GSK3B: variants seen among roughly 807,000 people sequenced by gnomAD.
The protein encoded by GSK3B is glycogen synthase kinase-3 beta.
GSK3B carries 15 observed loss-of-function variants against 56.4 expected under a neutral mutation model. The ratio of observed to expected loss-of-function variants is 0.27; its 90% CI spans 0.18 to 0.41. GSK3B has a LOEUF of 0.41. Ranked by LOEUF, GSK3B falls within the 10% of genes least tolerant of loss-of-function variation. GSK3B has a pLI of 1.00. For missense variants in GSK3B, 300 were observed against 513.4 expected (o/e 0.58, Z 4.02); for synonymous variants, 181 against 188.9 (o/e 0.96, Z 0.34).
intron 2 of GSK3B, among the ~76,000 whole-genome samples, chr3:119,985,092 CAT>C (rs766572807): frequency 3.4e-4 from 52 of 152,176 alleles, no homozygotes; most frequent in Non-Finnish European, 6.9e-4. Context: ...ACAAAAACCA[CAT>C]GATTATCTCA....
chr3:119,916,331 T>C (rs1054940238), intron 4 of GSK3B, among the ~76,000 whole-genome samples, 157 bp from the exon 5 acceptor site: 1 of 152,226 alleles, frequency 6.6e-6, no homozygotes, highest in African/African-American at 2.4e-5. Flanking sequence ...GTGTCACTTC[T>C]GTATTAATTA....
intron 1 of GSK3B, among the ~76,000 whole-genome samples, chr3:120,061,292 G>A (rs1441417156): frequency 6.6e-6 from 1 of 152,076 alleles, no homozygotes; most frequent in South Asian, 2.1e-4. Context: ...AGAAAAATTC[G>A]AAAATAAAGA....
chr3:120,013,912 A>G (rs995148240), intron 1 of GSK3B, among the ~76,000 whole-genome samples: 5 of 151,886 alleles, frequency 3.3e-5, no homozygotes, highest in Non-Finnish European at 5.9e-5. Context: ...GCTCAAGCCT[A>G]TAATTCCAGC....
chr3:119,974,176 G>T (rs1559859953), intron 2 of GSK3B, among the ~76,000 whole-genome samples: 1 of 152,162 alleles, frequency 6.6e-6, no homozygotes, highest in Admixed American at 6.5e-5. Context: ...CACACTCTAG[G>T]AAAAGTCTTT....
chr3:120,060,297 C>T (rs1022573431), intron 1 of GSK3B, among the ~76,000 whole-genome samples: 1 of 151,864 alleles, frequency 6.6e-6, no homozygotes, highest in African/African-American at 2.4e-5. Context: ...AAAAGAAGGC[C>T]TAAGAAAAAC....
At chr3:119,894,566 G>A (rs1307291675) in intron 7 of GSK3B, among the ~76,000 whole-genome samples, 9 of 152,034 alleles carry the variant, frequency 5.9e-5, no homozygotes, top group Admixed American at 1.3e-4. Context: ...TTAGAGAAGT[G>A]TCTATGCCGA....
At chr3:120,090,369 T>C (rs376686775) in intron 1 of GSK3B, among the ~76,000 whole-genome samples, 3 of 152,120 alleles carry the variant, frequency 2.0e-5, no homozygotes, top group African/African-American at 7.2e-5. Flanking sequence ...AAGTCAAATA[T>C]CATTGCCAGT....
In GSK3B at chr3:119,879,898, T is replaced by C. The variant is rs111912202; in HGVS notation, c.814-3390A>G. ...TGAACACTTAGGTTGCTTCCAAATC[T>C]TGGCTATTGTGAAGAGTGCTGCAAT... On this transcript the variant is annotated intron_variant, in intron 7 of 10. Transcript: ENST00000264235. Among the ~76,000 whole-genome samples, 1,057 of 152,332 alleles carry C rather than the reference T, an allele frequency of 6.9e-3. 8 individuals are homozygous for C. Among genetic ancestry groups the C allele is most frequent in the African/African-American group, 0.024 (1,001 of 41,580 alleles).
intron 7 of GSK3B, among the ~76,000 whole-genome samples, chr3:119,903,210 A>G (rs555049295): frequency 6.6e-6 from 1 of 152,180 alleles, no homozygotes; most frequent in Non-Finnish European, 1.5e-5. Flanking sequence ...TGGTAATTCC[A>G]TCTATCCTGG....
intron 1 of GSK3B, among the ~76,000 whole-genome samples, chr3:120,090,567 A>T (rs1185560274): frequency 6.6e-6 from 1 of 152,172 alleles, no homozygotes; most frequent in African/African-American, 2.4e-5. Context: ...CTTCACAAAT[A>T]TTCCACTTCA....
intron 1 of GSK3B, among the ~76,000 whole-genome samples, chr3:120,043,351 T>C (rs1193821444): frequency 6.6e-6 from 1 of 152,200 alleles, no homozygotes; most frequent in East Asian, 1.9e-4. Flanking sequence ...TCTATTCTAT[T>C]ACTTTCTTCT....
At chr3:119,958,815 G>A (rs2057241876) in intron 2 of GSK3B, among the ~76,000 whole-genome samples, 1 of 132,182 alleles carries the variant, frequency 7.6e-6, no homozygotes, top group African/African-American at 3.1e-5. Flanking sequence ...CTTTTTTCAT[G>A]AAAAGAGTGT....
chr3:119,874,403 T>C (rs1006674956), intron 8 of GSK3B, among the ~76,000 whole-genome samples: 7 of 152,000 alleles, frequency 4.6e-5, no homozygotes, highest in Non-Finnish European at 2.9e-5. Context: ...TAGAATAATA[T>C]CTATAATAAA....
intron 3 of GSK3B, among the ~76,000 whole-genome samples, chr3:119,934,767 G>A (rs2056978433): frequency 6.6e-6 from 1 of 152,096 alleles, no homozygotes; most frequent in Admixed American, 6.5e-5. Context: ...AAGGGAACAT[G>A]TTCCAAAATA....
intron 2 of GSK3B, among the ~76,000 whole-genome samples, chr3:119,975,500 C>T (rs1264031352): frequency 3.3e-5 from 5 of 151,950 alleles, no homozygotes; most frequent in African/African-American, 9.7e-5. Context: ...ACCTTAAATG[C>T]ATATTGCTGA....
At chr3:119,972,699 C>T (rs986982198) in intron 2 of GSK3B, among the ~76,000 whole-genome samples, 13 of 152,038 alleles carry the variant, frequency 8.6e-5, no homozygotes, top group African/African-American at 1.7e-4. Context: ...CCTCCCAAAG[C>T]GCTGGAATTA....
intron 1 of GSK3B, among the ~76,000 whole-genome samples, chr3:120,059,134 T>C (rs1180554734): frequency 6.6e-6 from 1 of 152,200 alleles, no homozygotes; most frequent in Non-Finnish European, 1.5e-5. Context: ...TTAAATTATG[T>C]TCTGATTAAA....
At chr3:120,079,341 CACACACACA>C (rs1241496119) in intron 1 of GSK3B, among the ~76,000 whole-genome samples, 2 of 134,696 alleles carry the variant, frequency 1.5e-5, no homozygotes, top group Non-Finnish European at 3.2e-5. Flanking sequence ...CACACACACA[CACACACACA>C]TTTTTTTTTT....
At chr3:120,031,061 T>C (rs2107521564) in intron 1 of GSK3B, among the ~76,000 whole-genome samples, 1 of 152,326 alleles carries the variant, frequency 6.6e-6, no homozygotes, top group East Asian at 1.9e-4. Flanking sequence ...ACCTAACAAG[T>C]CTTACTGTAA....
Sources: allele counts gnomAD v4.1 joint callset (sites outside exome capture counted in the v4.1 genomes callset), GRCh38; gene constraint gnomAD v4.1.1; transcripts MANE v1.5; gene names NCBI Gene and HGNC (gene_info 2026-07-23, HGNC 2026-07-21).